The following MATN2 variants were observed in gnomAD, a reference collection of about 807,000 sequenced individuals.
MATN2 encodes matrilin 2, also known as matrilin-2.
Under a neutral mutation model 103.2 loss-of-function variants are expected in MATN2, and 69 were observed. The observed-to-expected ratio is 0.67, with a 90% CI of 0.55 to 0.82. MATN2 has a LOEUF of 0.82. MATN2 is among the 40% of genes least tolerant of loss of function. The pLI, the probability that MATN2 is intolerant of heterozygous loss-of-function variation, is 0.00. For missense variants in MATN2, 1,023 were observed against 1,211.5 expected (o/e 0.84, Z 2.31); for synonymous variants, 429 against 450.2 (o/e 0.95, Z 0.60).
At position 98,027,652 on chromosome 8, in the gene MATN2, T is replaced by C. The variant is rs554199301; in HGVS notation, c.2179T>C (p.Tyr727His). The change falls in exon 14 of 19, where the codon TAC becomes CAC. Residue 727 changes from tyrosine to histidine, a missense_variant. Coordinates refer to ENST00000254898, the MANE Select transcript of MATN2 (RefSeq NM_002380.5). ...DMKKAVAHMK[Y>H]MGKGSMTGLA... ...GAAAAAAGCCGTGGCCCACATGAAA[T>C]ACATGGGAAAGGGCTCTATGACTGG... The C allele has an allele frequency of 6.2e-7, 1 of 1,613,776 alleles. No homozygotes were observed. The highest frequency in any genetic ancestry group is 1.1e-5 in the South Asian group (1 of 91,078).
chr8:97,929,767 C>G (rs1416127179), intron 2 of MATN2, among the ~76,000 whole-genome samples: 2 of 152,212 alleles, frequency 1.3e-5, no homozygotes, highest in Non-Finnish European at 2.9e-5. Flanking sequence ...GTCCCCCTCT[C>G]AATGAGATTA....
At chr8:97,957,321 A>G (rs1811174874) in intron 4 of MATN2, among the ~76,000 whole-genome samples, 1 of 152,386 alleles carries the variant, frequency 6.6e-6, no homozygotes, top group African/African-American at 2.4e-5. Flanking sequence ...TTTCAAAAGC[A>G]TAAGGAATCA....
intron 13 of MATN2, chr8:98,025,736 A>ATG (rs1215083344): frequency 4.5e-6 from 2 of 441,128 alleles, no homozygotes; most frequent in East Asian, 1.6e-4. Context: ...ACACAGCAAG[A>ATG]CTCTGTCTCA....
intron 5 of MATN2, 24 bp from the exon 6 acceptor site, chr8:97,978,862 C>T (rs369159037): frequency 6.2e-7 from 1 of 1,613,056 alleles, no homozygotes; most frequent in Non-Finnish European, 8.5e-7. Context: ...ATTTCTAATT[C>T]TGAATGTGTT....
chr8:97,990,250 A>G (rs1812349999), intron 6 of MATN2, among the ~76,000 whole-genome samples: 2 of 151,714 alleles, frequency 1.3e-5, no homozygotes, highest in African/African-American at 2.4e-5. Context: ...TAGAAACTTC[A>G]CCAAAGAATA....
rs1323020644 is a variant in MATN2 at position 97,931,072 on chromosome 8, G to T, written c.262G>T (p.Asp88Tyr). Residue 88 changes from aspartate (D) to tyrosine (Y), a missense_variant, in exon 3 of 19, where the codon GAC becomes TAC. Asp to Tyr is a radical substitution (Grantham distance 160). Transcript: ENST00000254898. This position sits in a 1 kb window ranked among gnomAD's most constrained non-coding sequence, Gnocchi z 4.1. Reference sequence around the variant, plus strand: ...CATCGTGGACATCTTGCAATTCTTGGACATTGGTCCTGATGTCACCCGAGT... The same window carrying T: ...CATCGTGGACATCTTGCAATTCTTGTACATTGGTCCTGATGTCACCCGAGT... ...EFIVDILQFL[D>Y]IGPDVTRVGL... 6.2e-7 allele frequency: 1 copy of T among 1,614,008 alleles called. No homozygotes were observed. The highest frequency in any genetic ancestry group is 2.2e-5 in the East Asian group (1 of 44,874).
chr8:97,961,378 T>G, intron 4 of MATN2, 30 bp from the exon 5 acceptor site: 1 of 1,584,904 alleles, frequency 6.3e-7, no homozygotes, highest in Non-Finnish European at 8.6e-7. Context: ...GTGCCTGACG[T>G]TGTGTTCTAA....
At chr8:97,910,845 A>G (rs1809396719) in intron 2 of MATN2, among the ~76,000 whole-genome samples, 1 of 152,188 alleles carries the variant, frequency 6.6e-6, no homozygotes, top group Admixed American at 6.5e-5. Flanking sequence ...GGTTGCTATG[A>G]GGAGTAATGA....
At chr8:97,946,772 C>T (rs559797276) in intron 4 of MATN2, among the ~76,000 whole-genome samples, 9 of 152,220 alleles carry the variant, frequency 5.9e-5, no homozygotes, top group Admixed American at 2.6e-4. Context: ...CTCTCAAGAA[C>T]GATACCAAAT....
At chr8:97,888,421 C>T (rs553102243) in intron 2 of MATN2, among the ~76,000 whole-genome samples, 179 bp downstream of exon 2, 66 of 152,272 alleles carry the variant, frequency 4.3e-4, no homozygotes, top group Non-Finnish European at 8.7e-4. Context: ...TGGTTGCACA[C>T]GAGTTTTCAA....
intron 4 of MATN2, among the ~76,000 whole-genome samples, chr8:97,959,840 A>G (rs1180681102): frequency 1.3e-5 from 2 of 152,264 alleles, no homozygotes; most frequent in Non-Finnish European, 2.9e-5. Flanking sequence ...AAAGCATAAT[A>G]AACTATGAAA....
intron 6 of MATN2, among the ~76,000 whole-genome samples, chr8:97,988,350 G>A (rs760598314): frequency 3.3e-5 from 5 of 151,566 alleles, no homozygotes; most frequent in Admixed American, 6.6e-5. Flanking sequence ...TAGAGGCTGG[G>A]CATGGTGGCT....
chr8:97,878,006 A>G (rs1818130494), intron 1 of MATN2, among the ~76,000 whole-genome samples: 1 of 152,150 alleles, frequency 6.6e-6, no homozygotes, highest in South Asian at 2.1e-4. Context: ...AACAAAAACA[A>G]AAACAAAAAA....
intron 2 of MATN2, among the ~76,000 whole-genome samples, chr8:97,912,941 A>G (rs1201330518): frequency 1.3e-5 from 2 of 152,158 alleles, no homozygotes; most frequent in East Asian, 3.9e-4. Flanking sequence ...ATTCGGTTAT[A>G]TAGTTGTTGG....
chr8:97,885,943 C>T (rs961053304), intron 1 of MATN2, among the ~76,000 whole-genome samples: 2 of 152,178 alleles, frequency 1.3e-5, no homozygotes, highest in Admixed American at 6.5e-5. Context: ...GAGCAGTGGG[C>T]GAGCTCAGCT....
rs748274716 is a variant in MATN2, at chr8:97,894,495, A to AT, written c.142+6260dup. 3.1e-4 allele frequency among the ~76,000 whole-genome samples: 47 copies of AT among 151,948 alleles called. 1 individual carries two copies. The highest frequency in any genetic ancestry group is 4.3e-4 in the Non-Finnish European group (29 of 67,944). On this transcript the variant is annotated intron_variant, in intron 2 of 18. Coordinates refer to ENST00000254898, the MANE Select transcript of MATN2 (RefSeq NM_002380.5). ...ACTACCACGCCCAACTAATTGTTTA[A>AT]TTTTTTTGCAGAGACAGGGTCTTAC...
At chr8:97,990,179 C>CAAAAAA (rs34924183) in intron 6 of MATN2, among the ~76,000 whole-genome samples, 41 of 45,432 alleles carry the variant, frequency 9.0e-4, no homozygotes, top group Admixed American at 1.7e-3. Context: ...AAGACTCTGT[C>CAAAAAA]AAAAAAAAAA....
intron 4 of MATN2, among the ~76,000 whole-genome samples, chr8:97,951,588 A>G (rs911854032): frequency 6.6e-6 from 1 of 152,164 alleles, no homozygotes; most frequent in African/African-American, 2.4e-5. Flanking sequence ...ATGTCGATGT[A>G]CGCTGCAGTT....
At chr8:98,015,352 G>C (rs1563727160) in intron 10 of MATN2, among the ~76,000 whole-genome samples, 1 of 152,028 alleles carries the variant, frequency 6.6e-6, no homozygotes, top group Non-Finnish European at 1.5e-5. Context: ...TCAAAACACT[G>C]CAGTGACTGC....
Sources: gnomAD v4.1 joint callset for allele counts (sites outside exome capture counted in the v4.1 genomes callset) on GRCh38, gnomAD v4.1.1 for gene constraint, Gnocchi (gnomAD v3.1) non-coding constraint, MANE v1.5 for transcripts, NCBI Gene and HGNC (gene_info 2026-07-23, HGNC 2026-07-21) for gene names.